RABGEF1: variants seen among roughly 807,000 people sequenced by gnomAD.
RABGEF1 encodes the protein rab5 GDP/GTP exchange factor.
A neutral mutation model predicts 57.3 loss-of-function variants in RABGEF1; 26 were observed. The ratio of observed to expected loss-of-function variants is 0.45; its 90% CI spans 0.33 to 0.63. RABGEF1 has a LOEUF of 0.63. Among genes scored for constraint, RABGEF1 ranks in the 20% least tolerant of loss-of-function variants. The probability of loss-of-function intolerance (pLI) is 0.02; values close to 1 mark genes in which losing one functional copy is unlikely to be tolerated. For synonymous variants in RABGEF1, 185 were observed against 210.7 expected (o/e 0.88, Z 1.06); for missense variants, 464 against 607.6 (o/e 0.76, Z 2.48).
chr7:66,689,744 G>A (rs1791230682), intron 1 of RABGEF1, among the ~76,000 whole-genome samples: 1 of 151,786 alleles, frequency 6.6e-6, no homozygotes, highest in African/African-American at 2.4e-5. Flanking sequence ...GGAGGTTGCA[G>A]TGAACCGAGA....
At chr7:66,721,782 A>T (rs1481031095) in intron 2 of RABGEF1, among the ~76,000 whole-genome samples, 2 of 152,068 alleles carry the variant, frequency 1.3e-5, no homozygotes, top group Non-Finnish European at 2.9e-5. Context: ...AGCTTGGCCA[A>T]CGTGGTAGAA....
intron 1 of RABGEF1, among the ~76,000 whole-genome samples, chr7:66,691,514 T>C (rs549713293): frequency 6.6e-6 from 1 of 152,292 alleles, no homozygotes; most frequent in South Asian, 2.1e-4. Context: ...AAAAAACATA[T>C]ACACATGGTC....
intron 5 of RABGEF1, 68 bp from the exon 6 acceptor site, chr7:66,797,306 C>CAGAA: frequency 1.0e-6 from 1 of 972,358 alleles, no homozygotes. Context: ...TCTTTGTTTG[C>CAGAA]AAAAAAAAAA....
At chr7:66,780,385 A>G (rs1454228173) in intron 3 of RABGEF1, among the ~76,000 whole-genome samples, 3 of 152,220 alleles carry the variant, frequency 2.0e-5, no homozygotes, top group Non-Finnish European at 2.9e-5. Flanking sequence ...CTCATTTGTA[A>G]ATATTGTAAG....
chr7:66,743,049 C>G (rs1467739209), intron 1 of RABGEF1, among the ~76,000 whole-genome samples: 1 of 152,142 alleles, frequency 6.6e-6, no homozygotes, highest in Non-Finnish European at 1.5e-5. Context: ...GTGGCTCACG[C>G]CTGTAATCCC....
intron 1 of RABGEF1, among the ~76,000 whole-genome samples, chr7:66,758,980 T>C (rs1803510877): frequency 6.6e-6 from 1 of 152,246 alleles, no homozygotes; most frequent in South Asian, 2.1e-4. Flanking sequence ...CTAGTTTGCC[T>C]AATGGTTACA....
Position 66,713,466 on chromosome 7 carries a change from T to G in RABGEF1, c.-815+1242T>G, listed in dbSNP as rs74321149. Among the ~76,000 whole-genome samples, 497 of 152,340 alleles carry G rather than the reference T, an allele frequency of 3.3e-3. 2 individuals are homozygous for G. The highest frequency in any genetic ancestry group is 6.0e-3 in the Non-Finnish European group (411 of 68,034). On this transcript the variant is annotated intron_variant and NMD_transcript_variant, in intron 2 of 9. Transcript: ENST00000607882. ...TTTCTATGGAGACAATCAGGAGTTT[T>G]GGGTAGGGACAATTTTGATTCTTCC...
chr7:66,733,966 T>C (rs12533886), intron 2 of RABGEF1, among the ~76,000 whole-genome samples: 6,000 of 151,992 alleles, frequency 0.039, 165 homozygotes, highest in East Asian at 0.086. Context: ...GATTGTGCCA[T>C]TGCACTCCAG....
rs73377584 is a variant in RABGEF1 at position 66,725,054 on chromosome 7, T to C, written c.-815+12830T>C. 9.5e-3 allele frequency among the ~76,000 whole-genome samples: 1,450 copies of C among 152,330 alleles called. 25 individuals are homozygous for C. Among genetic ancestry groups the C allele is most frequent in the African/African-American group, 0.033 (1,370 of 41,562 alleles). ...TGTTTTCCCTTTAAAATCTTGAACA[T>C]ATTTCTATAGCCGATTTAAAATCTT... On this transcript the variant is annotated intron_variant and NMD_transcript_variant, in intron 2 of 9. Transcript: ENST00000607882.
At chr7:66,753,087 C>T (rs530131472) in intron 1 of RABGEF1, among the ~76,000 whole-genome samples, 12 of 152,218 alleles carry the variant, frequency 7.9e-5, no homozygotes, top group African/African-American at 1.2e-4. Context: ...GCTACAGGAA[C>T]GGGAGAGAGA....
At chr7:66,753,989 G>A (rs1033767968) in intron 1 of RABGEF1, among the ~76,000 whole-genome samples, 3 of 149,402 alleles carry the variant, frequency 2.0e-5, no homozygotes, top group Non-Finnish European at 4.5e-5. Flanking sequence ...ACAGGCATGA[G>A]CCAACGTACT....
intron 1 of RABGEF1, among the ~76,000 whole-genome samples, chr7:66,704,529 G>A (rs1793725034): frequency 1.3e-5 from 2 of 151,790 alleles, no homozygotes; most frequent in Middle Eastern, 3.4e-3. Flanking sequence ...TTAAATAGTC[G>A]GCCAGGTGCG....
At chr7:66,696,500 G>T (rs1381397770) in intron 1 of RABGEF1, among the ~76,000 whole-genome samples, 6 of 151,980 alleles carry the variant, frequency 3.9e-5, no homozygotes, top group African/African-American at 9.7e-5. Context: ...GACCAGCCTG[G>T]CCAACATGGT....
intron 1 of RABGEF1, among the ~76,000 whole-genome samples, chr7:66,702,508 A>T (rs1793447786): frequency 6.6e-6 from 1 of 152,012 alleles, no homozygotes; most frequent in African/African-American, 2.4e-5. Flanking sequence ...CTAGGAGTGG[A>T]AATACTGGGT....
intron 2 of RABGEF1, chr7:66,773,561 A>G (rs10258628): frequency 0.12 from 50,487 of 411,368 alleles, 3,471 homozygotes; most frequent in East Asian, 0.19. Context: ...TGGGAGTAAG[A>G]CTAGAGAATT....
intron 1 of RABGEF1, among the ~76,000 whole-genome samples, chr7:66,682,419 GC>G (rs1443492188): frequency 6.6e-6 from 1 of 152,208 alleles, no homozygotes; most frequent in Non-Finnish European, 1.5e-5. Flanking sequence ...AGCGCCGCCT[GC>G]CCCGTTTCAG....
At chr7:66,796,982 T>C in intron 5 of RABGEF1, 1 of 417,340 alleles carries the variant, frequency 2.4e-6, no homozygotes, top group Non-Finnish European at 4.7e-6. Flanking sequence ...AAATTAGTTT[T>C]TTGCTGTGTA....
At position 66,760,442 on chromosome 7, in the gene RABGEF1, A is replaced by ATTT. The variant is rs1024130038; in HGVS notation, c.-17-11425_-17-11423dup. On this transcript the variant is annotated intron_variant, in intron 1 of 8. Coordinates refer to ENST00000284957, the MANE Select transcript of RABGEF1 (RefSeq NM_014504.3). ...TCCCTTGTAAAGTTGGTTAGCATGT[A>ATTT]TTTTTTTTTTTTTTTTTTGGAGACA... 2.1e-3 allele frequency among the ~76,000 whole-genome samples: 268 copies of ATTT among 126,134 alleles called. 2 individuals carry two copies. The highest frequency in any genetic ancestry group is 0.011 in the East Asian group (46 of 4,270). The allele number at this position is 126,134 out of a possible 152,430, so 82.7% of individuals were successfully genotyped here.
At chr7:66,683,494 G>A (rs1263469983) in intron 1 of RABGEF1, among the ~76,000 whole-genome samples, 1 of 152,178 alleles carries the variant, frequency 6.6e-6, no homozygotes, top group Non-Finnish European at 1.5e-5. Flanking sequence ...GCCAGTTGAG[G>A]AGAAGGGACA....
Sources: allele counts gnomAD v4.1 joint callset (sites outside exome capture counted in the v4.1 genomes callset), GRCh38; gene constraint gnomAD v4.1.1; transcripts MANE v1.5; gene names NCBI Gene and HGNC (gene_info 2026-07-23, HGNC 2026-07-21).